Variants in RIMS2 observed in about 807,000 individuals in gnomAD.
RIMS2 encodes regulating synaptic membrane exocytosis protein 2.
A neutral mutation model predicts 174.4 loss-of-function variants in RIMS2; 59 were observed. That is an observed-to-expected ratio of 0.34 (90% confidence interval 0.27 to 0.42). The LOEUF is 0.42. Ranked by LOEUF, RIMS2 falls within the 10% of genes least tolerant of loss-of-function variation. The probability of loss-of-function intolerance (pLI) is 1.00; values close to 1 mark genes in which losing one functional copy is unlikely to be tolerated. For missense variants in RIMS2, 1,620 were observed against 1,666.3 expected (o/e 0.97, Z 0.48); for synonymous variants, 606 against 572.5 (o/e 1.06, Z -0.84).
At chr8:104,007,105 G>C (rs1022059103) in intron 17 of RIMS2, among the ~76,000 whole-genome samples, 2 of 152,116 alleles carry the variant, frequency 1.3e-5, no homozygotes, top group Non-Finnish European at 2.9e-5. Context: ...TTTCTAAAGT[G>C]AGAGAGTTTG....
intron 1 of RIMS2, among the ~76,000 whole-genome samples, chr8:103,629,357 C>A (rs184107018): frequency 6.6e-6 from 1 of 152,192 alleles, no homozygotes; most frequent in Non-Finnish European, 1.5e-5. Context: ...AAACAGCAAA[C>A]GCTTTAAGAA....
intron 12 of RIMS2, among the ~76,000 whole-genome samples, chr8:103,935,554 C>A (rs1392163196): frequency 6.6e-6 from 1 of 152,140 alleles, no homozygotes; most frequent in Admixed American, 6.5e-5. Flanking sequence ...ACTCTTGGAA[C>A]TGTGTTGTGC....
intron 14 of RIMS2, among the ~76,000 whole-genome samples, chr8:103,948,474 A>G (rs1028129987): frequency 2.0e-5 from 3 of 152,232 alleles, no homozygotes; most frequent in Admixed American, 2.0e-4. Context: ...TATCCTCACA[A>G]TTGATTTCTA....
intron 1 of RIMS2, among the ~76,000 whole-genome samples, chr8:103,608,036 G>T (rs1463444835): frequency 6.7e-6 from 1 of 148,322 alleles, no homozygotes; most frequent in Non-Finnish European, 1.5e-5. Flanking sequence ...TTGTTCCGTT[G>T]CTGGTGAGGA....
chr8:104,177,112 A>T (rs1334680530), intron 19 of RIMS2, among the ~76,000 whole-genome samples: 1 of 152,154 alleles, frequency 6.6e-6, no homozygotes, highest in African/African-American at 2.4e-5. Flanking sequence ...TTTCGTTTGC[A>T]TATAAAGGAG....
intron 1 of RIMS2, among the ~76,000 whole-genome samples, chr8:103,557,653 A>G (rs1305688815): frequency 6.6e-6 from 1 of 152,128 alleles, no homozygotes; most frequent in Non-Finnish European, 1.5e-5. Context: ...TATCATTGCT[A>G]TTTCCATAAG....
chr8:104,058,629 A>G (rs1178020631), intron 19 of RIMS2, among the ~76,000 whole-genome samples: 1 of 151,724 alleles, frequency 6.6e-6, no homozygotes, highest in Admixed American at 6.6e-5. Context: ...TGTTTTAGAC[A>G]TGAAGTCCTT....
At chr8:103,527,201 T>C (rs1286355634) in intron 1 of RIMS2, among the ~76,000 whole-genome samples, 1 of 152,118 alleles carries the variant, frequency 6.6e-6, no homozygotes, top group Non-Finnish European at 1.5e-5. Flanking sequence ...TTATCAGACA[T>C]ATAAAGCCAG....
chr8:103,584,231 A>G (rs1043293138), intron 1 of RIMS2, among the ~76,000 whole-genome samples: 1 of 152,224 alleles, frequency 6.6e-6, no homozygotes, highest in Admixed American at 6.5e-5. Context: ...GTAGAATAGT[A>G]TATCTGGCTA....
chr8:104,064,870 T>C (rs1411379157), intron 19 of RIMS2, among the ~76,000 whole-genome samples: 2 of 152,062 alleles, frequency 1.3e-5, no homozygotes, highest in African/African-American at 4.8e-5. Context: ...AATGTTTTGA[T>C]ATTTGATTTG....
At chr8:103,509,835 A>T (rs1440163661) in intron 1 of RIMS2, among the ~76,000 whole-genome samples, 2 of 152,160 alleles carry the variant, frequency 1.3e-5, no homozygotes, top group Non-Finnish European at 2.9e-5. Flanking sequence ...CAACTTTAAT[A>T]CAGTTTATAT....
At chr8:103,922,627 T>C (rs2077910566) in intron 10 of RIMS2, 1 of 400,276 alleles carries the variant, frequency 2.5e-6, no homozygotes. Flanking sequence ...ACCTTGAATT[T>C]TGGATTAAAA....
chr8:103,584,614 A>G (rs1018742507), intron 1 of RIMS2, among the ~76,000 whole-genome samples: 1 of 152,200 alleles, frequency 6.6e-6, no homozygotes, highest in Admixed American at 6.5e-5. Context: ...TAGAGTTTTA[A>G]TAGTTTGCTC....
chr8:104,066,746 CAGTT>C (rs769279053), intron 19 of RIMS2, among the ~76,000 whole-genome samples: 2 of 152,092 alleles, frequency 1.3e-5, no homozygotes, highest in Non-Finnish European at 2.9e-5. Flanking sequence ...GACTCAGAGT[CAGTT>C]AGTCAAATCA....
intron 19 of RIMS2, among the ~76,000 whole-genome samples, chr8:104,116,001 T>G (rs932855325): frequency 6.6e-5 from 10 of 152,180 alleles, no homozygotes; most frequent in Admixed American, 6.6e-4. Context: ...ATGATGATCC[T>G]CAATGACAAA....
intron 1 of RIMS2, among the ~76,000 whole-genome samples, chr8:103,662,061 C>T (rs1310269821): frequency 6.6e-6 from 1 of 152,320 alleles, no homozygotes; most frequent in African/African-American, 2.4e-5. Flanking sequence ...TTCGGCCACA[C>T]ATAAAATACA....
chr8:103,813,524 G>A (rs1039653222), intron 3 of RIMS2, among the ~76,000 whole-genome samples: 8 of 151,984 alleles, frequency 5.3e-5, no homozygotes, highest in African/African-American at 2.4e-5. Flanking sequence ...TTTACATTAG[G>A]TGTATCTCCT....
intron 3 of RIMS2, among the ~76,000 whole-genome samples, chr8:103,876,476 G>C (rs1420527294): frequency 6.6e-6 from 1 of 151,454 alleles, no homozygotes; most frequent in Non-Finnish European, 1.5e-5. Flanking sequence ...AGGTTTTTGG[G>C]GAACAGGTGG....
intron 4 of RIMS2, among the ~76,000 whole-genome samples, chr8:103,898,345 C>T (rs1341025129): frequency 6.6e-6 from 1 of 151,650 alleles, no homozygotes; most frequent in Non-Finnish European, 1.5e-5. Flanking sequence ...TCAGTATGTC[C>T]TTTTGTCCAT....
Sources: gnomAD v4.1 joint callset for allele counts (sites outside exome capture counted in the v4.1 genomes callset) on GRCh38, gnomAD v4.1.1 for gene constraint, MANE v1.5 for transcripts, NCBI Gene and HGNC (gene_info 2026-07-23, HGNC 2026-07-21) for gene names.